Variants in TAF2 observed in about 807,000 individuals in gnomAD.
TAF2 encodes the protein transcription initiation factor TFIID subunit 2.
TAF2 carries 61 observed loss-of-function variants against 138.5 expected under a neutral mutation model. The ratio of observed to expected loss-of-function variants is 0.44; its 90% CI spans 0.36 to 0.54. The LOEUF is 0.54. Among genes scored for constraint, TAF2 ranks in the 20% least tolerant of loss-of-function variants. TAF2 has a pLI of 0.00. For missense variants in TAF2, 1,090 were observed against 1,427.9 expected (o/e 0.76, Z 3.81); for synonymous variants, 475 against 469.9 (o/e 1.01, Z -0.14).
At chr8:119,802,196 T>C (rs572050454) in intron 5 of TAF2, among the ~76,000 whole-genome samples, 171 bp from the exon 6 acceptor site, 7 of 152,290 alleles carry the variant, frequency 4.6e-5, no homozygotes, top group African/African-American at 1.7e-4. Flanking sequence ...TAAAATAAAA[T>C]CTGTTTCCAA....
chr8:119,749,959 T>C (rs1212098763), intron 22 of TAF2, among the ~76,000 whole-genome samples: 2 of 152,094 alleles, frequency 1.3e-5, no homozygotes, highest in Non-Finnish European at 2.9e-5. Context: ...ACAACAACAC[T>C]CAAGAAGTAG....
intron 2 of TAF2, among the ~76,000 whole-genome samples, chr8:119,824,820 G>A (rs1047388381): frequency 2.0e-5 from 3 of 152,374 alleles, no homozygotes; most frequent in Admixed American, 2.0e-4. Flanking sequence ...AAGAATTGAG[G>A]TTTGGGAACC....
chr8:119,765,096 T>G (rs1233205688), intron 18 of TAF2, among the ~76,000 whole-genome samples: 1 of 152,192 alleles, frequency 6.6e-6, no homozygotes, highest in Non-Finnish European at 1.5e-5. Context: ...TGTAATAAGT[T>G]CTGCGGGCTT....
chr8:119,754,612 G>A (rs1207544731), intron 22 of TAF2, among the ~76,000 whole-genome samples: 1 of 152,074 alleles, frequency 6.6e-6, no homozygotes, highest in Non-Finnish European at 1.5e-5. Flanking sequence ...GAACTTGGGA[G>A]GCGGAGGTTG....
At chr8:119,736,535 CA>C (rs1262258002) in intron 25 of TAF2, among the ~76,000 whole-genome samples, 1 of 152,170 alleles carries the variant, frequency 6.6e-6, no homozygotes, top group Non-Finnish European at 1.5e-5. Context: ...TGCTAGTCAA[CA>C]ACTCATTACT....
chr8:119,829,020 C>T (rs1826272133), intron 2 of TAF2, among the ~76,000 whole-genome samples: 3 of 152,204 alleles, frequency 2.0e-5, no homozygotes, highest in South Asian at 4.1e-4. Flanking sequence ...CTTTCAGTGG[C>T]TCATAGGACT....
At chr8:119,746,967 A>G in intron 22 of TAF2, 33 bp from the exon 23 acceptor site, 2 of 1,582,186 alleles carry the variant, frequency 1.3e-6, no homozygotes, top group Non-Finnish European at 1.7e-6. Flanking sequence ...ATGAGTCAAT[A>G]TGCACATTGA....
chr8:119,776,580 T>A (rs1822261628), intron 18 of TAF2, among the ~76,000 whole-genome samples: 2 of 151,106 alleles, frequency 1.3e-5, no homozygotes, highest in African/African-American at 4.9e-5. Context: ...TCCCAGCTAT[T>A]CGGGAGGCTG....
chr8:119,794,024 C>T (rs190240927), intron 9 of TAF2, among the ~76,000 whole-genome samples: 1 of 151,840 alleles, frequency 6.6e-6, no homozygotes, highest in Non-Finnish European at 1.5e-5. Context: ...ACTTCCTGGG[C>T]TTAGGTGATC....
At chr8:119,751,430 T>C (rs1370266041) in intron 22 of TAF2, among the ~76,000 whole-genome samples, 2 of 152,214 alleles carry the variant, frequency 1.3e-5, no homozygotes, top group Non-Finnish European at 2.9e-5. Context: ...ATAATTCTAC[T>C]ACCTAAAAAT....
intron 25 of TAF2, among the ~76,000 whole-genome samples, chr8:119,734,705 C>T (rs1350928253): frequency 6.6e-6 from 1 of 152,110 alleles, no homozygotes; most frequent in Non-Finnish European, 1.5e-5. Flanking sequence ...GATATCAGCC[C>T]TCATCCCTCC....
At chr8:119,777,334 T>C (rs1211728053) in intron 18 of TAF2, among the ~76,000 whole-genome samples, 2 of 152,312 alleles carry the variant, frequency 1.3e-5, no homozygotes, top group Middle Eastern at 3.4e-3. Context: ...TGCTGATTGC[T>C]TACTTGTCTG....
intron 3 of TAF2, among the ~76,000 whole-genome samples, chr8:119,811,052 T>C (rs1261044219): frequency 6.6e-6 from 1 of 152,138 alleles, no homozygotes; most frequent in African/African-American, 2.4e-5. Flanking sequence ...TTATAATGTG[T>C]TTTCAATTTT....
At chr8:119,810,018 CAG>C (rs1824939765) in intron 3 of TAF2, among the ~76,000 whole-genome samples, 5 of 59,072 alleles carry the variant, frequency 8.5e-5, no homozygotes, top group South Asian at 9.0e-4. Flanking sequence ...AAAAAAAAAA[CAG>C]TATCTGCGAG....
Position 119,783,033 on chromosome 8 carries a change from A to T in TAF2, c.2112+348T>A, listed in dbSNP as rs148149978. The stretch of plus-strand genomic sequence containing the variant: ...GACACACACACACACACACACAGAG[A>T]TTTCATGTACTACAATGTAAAACAT... On this transcript the variant is annotated intron_variant, in intron 16 of 25. Transcript: ENST00000378164. 1.6e-3 allele frequency among the ~76,000 whole-genome samples: 246 copies of T among 152,102 alleles called. 1 individual carries two copies. The highest frequency in any genetic ancestry group is 5.6e-3 in the African/African-American group (232 of 41,472).
At chr8:119,760,421 A>G in intron 20 of TAF2, 178 bp downstream of exon 20, 1 of 709,448 alleles carries the variant, frequency 1.4e-6, no homozygotes, top group Non-Finnish European at 2.2e-6. Flanking sequence ...CCTTTCCCTC[A>G]TTTATTAACT....
At chr8:119,737,010 C>T (rs1431118280) in intron 25 of TAF2, among the ~76,000 whole-genome samples, 2 of 151,918 alleles carry the variant, frequency 1.3e-5, no homozygotes, top group Non-Finnish European at 2.9e-5. Flanking sequence ...ATGAAAAGTA[C>T]AGAACAAAAA....
chr8:119,788,463 C>T lies in TAF2; in HGVS notation c.1684-16G>A, dbSNP rs370311446. 4.6e-5 allele frequency: 71 copies of T among 1,536,668 alleles called. No homozygotes were observed. In the South Asian group the frequency reaches 5.3e-4, roughly 11 times the overall value. On this transcript the variant is annotated splice_polypyrimidine_tract_variant and intron_variant, in intron 13 of 25. Transcript: ENST00000378164. ...TAAGTGGTCCCTTTTAAAAAAAAAA[C>T]GTACTGTTCAGAGATGTGATTTAAA...
chr8:119,817,412 T>C lies in TAF2; in HGVS notation c.299+1934A>G, dbSNP rs185622743. The stretch of plus-strand genomic sequence containing the variant: ...AGAGATCTAGGTCGCACACTACTTA[T>C]GAGAATCTAATGCCTGATGATCTGA... On this transcript the variant is annotated intron_variant, in intron 3 of 25. Transcript: ENST00000378164. 3.8e-3 allele frequency among the ~76,000 whole-genome samples: 571 copies of C among 152,256 alleles called. 2 individuals carry two copies. Among genetic ancestry groups the C allele is most frequent in the Non-Finnish European group, 6.8e-3 (461 of 68,016 alleles).
Sources: gnomAD v4.1 joint callset for allele counts (sites outside exome capture counted in the v4.1 genomes callset) on GRCh38, gnomAD v4.1.1 for gene constraint, MANE v1.5 for transcripts, NCBI Gene and HGNC (gene_info 2026-07-23, HGNC 2026-07-21) for gene names.